Variants in RECK observed in about 807,000 individuals in gnomAD.
RECK encodes the protein reversion inducing cysteine rich protein with kazal motifs, also known as reversion-inducing cysteine-rich protein with Kazal motifs.
RECK carries 69 observed loss-of-function variants against 115.1 expected under a neutral mutation model. The ratio of observed to expected loss-of-function variants is 0.60; its 90% confidence interval spans 0.49 to 0.73. RECK has a LOEUF of 0.73. RECK is among the 30% of genes least tolerant of loss of function. RECK has a pLI of 0.00. For missense variants in RECK, 1,047 were observed against 1,203.7 expected (o/e 0.87, Z 1.93); for synonymous variants, 414 against 419.7 (o/e 0.99, Z 0.17).
rs1824523171 is a variant in RECK at position 36,123,078 on chromosome 9, C to T, written c.*33C>T. On this transcript the variant is annotated 3_prime_UTR_variant, in exon 21 of 21. Transcript: ENST00000377966. ...CGGAAAGTGCAGAATGCTCCTCCACCTCACTCTCCTGCCTTGAAAAAGACA... is the reference window on the plus strand; with the variant it reads ...CGGAAAGTGCAGAATGCTCCTCCACTTCACTCTCCTGCCTTGAAAAAGACA... The T allele has an allele frequency of 3.9e-6, 6 of 1,541,156 alleles. No individual in the cohort carries two copies. The highest frequency in any genetic ancestry group is 5.4e-6 in the Non-Finnish European group (6 of 1,121,256).
chr9:36,066,913 G>A, intron 6 of RECK: 1 of 1,201,566 alleles, frequency 8.3e-7, no homozygotes, highest in Non-Finnish European at 1.1e-6. Context: ...ACTAAGAATA[G>A]TTTACTTTTC....
chr9:36,090,395 A>T (rs1355051128), intron 9 of RECK, among the ~76,000 whole-genome samples: 1 of 152,158 alleles, frequency 6.6e-6, no homozygotes, highest in South Asian at 2.1e-4. Flanking sequence ...AAAAGTAAAG[A>T]TATCTTTGTC....
intron 6 of RECK, among the ~76,000 whole-genome samples, chr9:36,077,926 A>G (rs1331879952): frequency 6.6e-6 from 1 of 152,200 alleles, no homozygotes; most frequent in Non-Finnish European, 1.5e-5. Flanking sequence ...CATATAAAAT[A>G]TCTAAATAAG....
intron 6 of RECK, among the ~76,000 whole-genome samples, chr9:36,074,221 A>G (rs192928664): frequency 2.0e-3 from 308 of 152,296 alleles, no homozygotes; most frequent in African/African-American, 7.1e-3. Flanking sequence ...TTGTCGCTCT[A>G]TAGCATAACT....
intron 6 of RECK, among the ~76,000 whole-genome samples, chr9:36,075,366 T>C (rs1312595787): frequency 6.6e-6 from 1 of 152,088 alleles, no homozygotes; most frequent in East Asian, 1.9e-4. Flanking sequence ...GTGGTGATAA[T>C]GAGCAAATTT....
Position 36,118,855 on chromosome 9 carries a change from T to C in RECK, c.2352T>C (p.Tyr784=). 1.2e-6 allele frequency: 2 copies of C among 1,614,104 alleles called. No individual in the cohort carries two copies. The highest frequency in any genetic ancestry group is 1.7e-6 in the Non-Finnish European group (2 of 1,180,016). ...CGGATCGCGTGGCAGTCGATTACTA[T>C]GGGGACTGCCAGGCCGTCGGAGTCC... ...AYSDRVAVDY[Y]GDCQAVGVLS... Residue 784 remains tyrosine, a synonymous_variant, in exon 18 of 21, where the codon TAT becomes TAC. Coordinates refer to ENST00000377966, the MANE Select transcript of RECK (RefSeq NM_021111.3).
intron 1 of RECK, 54 bp downstream of exon 1, chr9:36,037,152 G>A: frequency 8.8e-7 from 1 of 1,137,298 alleles, no homozygotes; most frequent in Non-Finnish European, 1.1e-6. Context: ...CCGCCACAGC[G>A]CTCCAAGATG....
At position 36,078,925 on chromosome 9, in the gene RECK, C is replaced by T. The variant is rs939662864; in HGVS notation, c.406-1680C>T. ...ATTTATTTATTTTGAGACAGAGTTT[C>T]GCTCTTGTTTCCCAGGCTGGAGTGT... On this transcript the variant is annotated intron_variant, in intron 6 of 20. Transcript: ENST00000377966. Among the ~76,000 whole-genome samples, 6 of 152,022 alleles carry T rather than the reference C, an allele frequency of 3.9e-5. 1 individual carries two copies. The East Asian group carries it at 5.8e-4, about 15-fold the overall frequency.
chr9:36,093,533 G>A (rs995388886), intron 10 of RECK, among the ~76,000 whole-genome samples: 1 of 152,100 alleles, frequency 6.6e-6, no homozygotes, highest in African/African-American at 2.4e-5. Flanking sequence ...TTTATTGTAG[G>A]GAATGGAAAA....
rs1314236830 is a variant in RECK, at chr9:36,083,383, G to A, written c.458G>A (p.Ser153Asn). 6.2e-7 allele frequency: 1 copy of A among 1,613,992 alleles called. No individual in the cohort carries two copies. The highest frequency in any genetic ancestry group is 1.1e-5 in the South Asian group (1 of 91,080). ...SRNEMGSVCC[S>N]YAGHHTNCRE... ...TCCATAGTGGGCTCGGTTTGTTGCA[G>A]TTATGCAGGTCATCACACAAACTGC... is the stretch of plus-strand genomic sequence containing the variant. The change falls in exon 8 of 21, where the codon AGT (serine) becomes AAT (asparagine). Residue 153 changes from serine (S) to asparagine (N), a missense_variant. By Grantham distance (46) the Ser-to-Asn change is conservative. Transcript: ENST00000377966.
intron 6 of RECK, among the ~76,000 whole-genome samples, chr9:36,076,975 C>T (rs1822476648): frequency 6.6e-6 from 1 of 152,182 alleles, no homozygotes; most frequent in African/African-American, 2.4e-5. Context: ...CTTGCTTATA[C>T]ATATCTGGCT....
In RECK at chr9:36,083,488, C is replaced by A; in HGVS notation, c.563C>A (p.Ala188Asp). 7 of 1,614,038 alleles carry A rather than the reference C, an allele frequency of 4.3e-6. No individual in the cohort carries two copies. Among genetic ancestry groups the A allele is most frequent in the Non-Finnish European group, 5.9e-6 (7 of 1,179,952 alleles). Reference protein sequence around the residue: ...SQIKAVENYCASISPQLIHCV... With the variant: ...SQIKAVENYCDSISPQLIHCV... ...ATAAAAGCAGTGGAAAATTATTGCG[C>A]CTCTATTAGTCCACAATTAATACAT... Residue 188 changes from alanine (A) to aspartate (D), a missense_variant, in exon 8 of 21, where the codon GCC becomes GAC. Coordinates refer to ENST00000377966, the MANE Select transcript of RECK (RefSeq NM_021111.3).
intron 1 of RECK, among the ~76,000 whole-genome samples, chr9:36,049,157 A>C (rs1234635270): frequency 6.6e-6 from 1 of 152,204 alleles, no homozygotes; most frequent in Non-Finnish European, 1.5e-5. Flanking sequence ...AATCAGGTGC[A>C]TCATCTTCCC....
intron 13 of RECK, among the ~76,000 whole-genome samples, chr9:36,106,209 CA>C (rs76229325): frequency 3.7e-3 from 203 of 54,796 alleles, no homozygotes; most frequent in Admixed American, 7.5e-3. Flanking sequence ...GACTCCGTCT[CA>C]AAAAAAAAAA....
intron 16 of RECK, among the ~76,000 whole-genome samples, chr9:36,113,585 A>G (rs1336974620): frequency 6.6e-6 from 1 of 152,238 alleles, no homozygotes; most frequent in Non-Finnish European, 1.5e-5. Flanking sequence ...ATAAAACAAT[A>G]AAAATAAATG....
intron 8 of RECK, among the ~76,000 whole-genome samples, chr9:36,084,081 CA>C (rs963878640): frequency 2.7e-5 from 4 of 150,598 alleles, no homozygotes; most frequent in African/African-American, 4.9e-5. Flanking sequence ...TGGCAACCAA[CA>C]AAAAAAAAGG....
At chr9:36,120,073 A>G (rs1398495621) in intron 18 of RECK, among the ~76,000 whole-genome samples, 1 of 151,980 alleles carries the variant, frequency 6.6e-6, no homozygotes, top group African/African-American at 2.4e-5. Flanking sequence ...TCTCTACTAA[A>G]AATACAAAAA....
chr9:36,089,940 A>G (rs2073026913), intron 9 of RECK, among the ~76,000 whole-genome samples: 1 of 150,512 alleles, frequency 6.6e-6, no homozygotes, highest in African/African-American at 2.5e-5. Flanking sequence ...CCTGGTCAAC[A>G]TGGCAAAACC....
At chr9:36,107,605 A>T (rs1161886795) in intron 13 of RECK, among the ~76,000 whole-genome samples, 1 of 114,202 alleles carries the variant, frequency 8.8e-6, no homozygotes, top group Admixed American at 9.1e-5. Context: ...ACTCCGTCTC[A>T]AAAAAAAAAA....
Sources: allele counts gnomAD v4.1 joint callset (sites outside exome capture counted in the v4.1 genomes callset), GRCh38; gene constraint gnomAD v4.1.1; transcripts MANE v1.5; gene names NCBI Gene and HGNC (gene_info 2026-07-23, HGNC 2026-07-21).